Variants in CCNY observed in about 807,000 individuals in gnomAD.
CCNY encodes the protein cyclin-Y.
In CCNY, 19 loss-of-function variants were observed where a neutral mutation model predicts 42.8. The observed-to-expected ratio is 0.44, with a 90% confidence interval of 0.31 to 0.65. The LOEUF is 0.65. Ranked by LOEUF, CCNY falls within the 30% of genes least tolerant of loss-of-function variation. The pLI is 0.07. For synonymous variants in CCNY, 165 were observed against 162.7 expected (o/e 1.01, Z -0.11); for missense variants, 370 against 437.3 (o/e 0.85, Z 1.37).
At chr10:35,340,420 C>A (rs923928806) in intron 1 of CCNY, among the ~76,000 whole-genome samples, 3 of 151,814 alleles carry the variant, frequency 2.0e-5, no homozygotes, top group African/African-American at 7.3e-5. Flanking sequence ...TGTGAGGAGA[C>A]CAAATAAATC....
At chr10:35,330,318 C>T (rs1195458820) in intron 3 of CCNY, among the ~76,000 whole-genome samples, 3 of 152,156 alleles carry the variant, frequency 2.0e-5, no homozygotes, top group African/African-American at 7.2e-5. Flanking sequence ...CCTAATCTGC[C>T]TCTTGGGTGA....
At chr10:35,366,656 GT>G (rs1836813383) in intron 1 of CCNY, among the ~76,000 whole-genome samples, 1 of 152,174 alleles carries the variant, frequency 6.6e-6, no homozygotes, top group Non-Finnish European at 1.5e-5. Flanking sequence ...GTCTTCGCTA[GT>G]TCTACCCCAT....
At chr10:35,346,603 T>G (rs1294670563) in intron 1 of CCNY, among the ~76,000 whole-genome samples, 1 of 152,210 alleles carries the variant, frequency 6.6e-6, no homozygotes, top group East Asian at 1.9e-4. Context: ...TTTTTTCACC[T>G]TTGTCAGAAG....
chr10:35,301,950 TTTTATTTA>T (rs151028182), intron 3 of CCNY, among the ~76,000 whole-genome samples: 15 of 81,428 alleles, frequency 1.8e-4, no homozygotes, highest in African/African-American at 5.2e-4. Context: ...TTATTTTTTA[TTTTATTTA>T]TTTATTTATT....
chr10:35,458,327 C>T (rs1056394096), intron 1 of CCNY, among the ~76,000 whole-genome samples: 8 of 152,330 alleles, frequency 5.3e-5, no homozygotes, highest in African/African-American at 1.7e-4. Flanking sequence ...TCCCTGCATC[C>T]ACAGTTTGTT....
intron 3 of CCNY, among the ~76,000 whole-genome samples, chr10:35,281,270 G>C (rs969978784): frequency 6.6e-6 from 1 of 151,946 alleles, no homozygotes; most frequent in African/African-American, 2.4e-5. Flanking sequence ...AGCTTGTACA[G>C]GAATTTTTAT....
chr10:35,441,140 GGA>G (rs1026139095), intron 1 of CCNY, among the ~76,000 whole-genome samples: 11 of 152,276 alleles, frequency 7.2e-5, no homozygotes, highest in Non-Finnish European at 8.8e-5. Flanking sequence ...TGAGGGTCAG[GGA>G]GAGTCTGTAG....
intron 1 of CCNY, among the ~76,000 whole-genome samples, chr10:35,379,140 T>C (rs1837120686): frequency 6.6e-6 from 1 of 151,850 alleles, no homozygotes; most frequent in Admixed American, 6.6e-5. Context: ...ACCAAGAGAG[T>C]AAGAAAAGGT....
At chr10:35,513,931 T>G (rs887570557) in intron 3 of CCNY, among the ~76,000 whole-genome samples, 6 of 152,166 alleles carry the variant, frequency 3.9e-5, no homozygotes, top group African/African-American at 7.2e-5. Context: ...CGTGTGCTTA[T>G]GAAAACTATC....
chr10:35,540,108 A>T (rs1420053589), intron 7 of CCNY, among the ~76,000 whole-genome samples: 5 of 152,310 alleles, frequency 3.3e-5, no homozygotes, highest in African/African-American at 1.2e-4. Context: ...TAAAGTGTTG[A>T]ATAGAAGTAT....
intron 3 of CCNY, among the ~76,000 whole-genome samples, chr10:35,514,339 AG>A (rs1315815475): frequency 5.3e-5 from 8 of 152,206 alleles, no homozygotes; most frequent in Non-Finnish European, 1.2e-4. Flanking sequence ...ATAGTTTAAA[AG>A]CTGGGTTGGC....
chr10:35,332,505 A>G (rs191370639), upstream of CCNY: 1 of 152,338 alleles, frequency 6.6e-6, no homozygotes, highest in Non-Finnish European at 1.5e-5. Context: ...AATATTGCTT[A>G]TGTTTTAAAT....
intron 1 of CCNY, among the ~76,000 whole-genome samples, chr10:35,395,364 A>C (rs1032805690): frequency 6.6e-6 from 1 of 152,216 alleles, no homozygotes; most frequent in East Asian, 1.9e-4. Flanking sequence ...ACCAGGCTCA[A>C]TGGCAAGTGC....
intron 3 of CCNY, among the ~76,000 whole-genome samples, chr10:35,323,029 C>T (rs1589035549): frequency 1.3e-5 from 2 of 152,222 alleles, no homozygotes; most frequent in East Asian, 1.9e-4. Context: ...CAGGTTCAAG[C>T]GATTCTCCTG....
In CCNY at chr10:35,566,108, C is replaced by G; in HGVS notation, c.832C>G (p.Leu278Val). 6.2e-7 allele frequency: 1 copy of G among 1,614,226 alleles called. No individual in the cohort carries two copies. The highest frequency in any genetic ancestry group is 8.5e-7 in the Non-Finnish European group (1 of 1,180,048). The change falls in exon 9 of 10, where the codon CTT becomes GTT. Residue 278 changes from leucine to valine, a missense_variant. Leu to Val is a conservative substitution (Grantham distance 32). This residue lies in a region of CCNY where 234 missense variants were observed against 313.1 expected (regional missense o/e 0.75). Transcript: ENST00000374704. ...TGTCTATGCCAAGTATTATTTTGAT[C>G]TTCGTTCTCTGGCAGAAGCGAACAA... Reference protein sequence around the residue: ...SSVYAKYYFDLRSLAEANNLS... With the variant: ...SSVYAKYYFDVRSLAEANNLS...
At chr10:35,478,608 C>G (rs1208443111) in intron 1 of CCNY, among the ~76,000 whole-genome samples, 2 of 152,164 alleles carry the variant, frequency 1.3e-5, no homozygotes, top group Non-Finnish European at 2.9e-5. Flanking sequence ...GAAACTGGAT[C>G]CCTTCCTTAC....
intron 4 of CCNY, among the ~76,000 whole-genome samples, chr10:35,523,733 A>G (rs1056561151): frequency 1.3e-5 from 2 of 152,256 alleles, no homozygotes; most frequent in Non-Finnish European, 2.9e-5. Context: ...TTTAAAAGTT[A>G]ATATAAGATC....
chr10:35,548,258 A>G (rs1841158973), intron 7 of CCNY, among the ~76,000 whole-genome samples: 1 of 148,310 alleles, frequency 6.7e-6, no homozygotes, highest in Non-Finnish European at 1.5e-5. Context: ...AAGGACAAAT[A>G]TATATATACA....
chr10:35,568,636 G>A (rs1474964364), intron 9 of CCNY, among the ~76,000 whole-genome samples: 4 of 152,210 alleles, frequency 2.6e-5, no homozygotes, highest in African/African-American at 9.6e-5. Flanking sequence ...CTCTCTGTGA[G>A]GCTCAGCTCC....
Sources: allele counts gnomAD v4.1 joint callset (sites outside exome capture counted in the v4.1 genomes callset), GRCh38; gene constraint gnomAD v4.1.1; regional missense constraint gnomAD v4.1.1; transcripts MANE v1.5; gene names NCBI Gene and HGNC (gene_info 2026-07-23, HGNC 2026-07-21).